The following CNTN1 variants were observed in gnomAD, a reference collection of about 807,000 sequenced individuals.
CNTN1 encodes the protein contactin-1.
CNTN1 carries 38 observed loss-of-function variants against 126.4 expected under a neutral mutation model. The ratio of observed to expected loss-of-function variants is 0.30; its 90% CI spans 0.23 to 0.39. The LOEUF (loss-of-function observed/expected upper bound fraction) is 0.39. CNTN1 is among the 10% of genes least tolerant of loss of function. CNTN1 has a pLI of 1.00. For missense variants in CNTN1, 1,009 were observed against 1,248.4 expected (o/e 0.81, Z 2.89); for synonymous variants, 413 against 422.6 (o/e 0.98, Z 0.28).
At chr12:40,712,766 T>A (rs1325267920) in intron 1 of CNTN1, among the ~76,000 whole-genome samples, 4 of 152,204 alleles carry the variant, frequency 2.6e-5, no homozygotes, top group Non-Finnish European at 4.4e-5. Context: ...ATTTTTCTTT[T>A]AAATTTCAGG....
At chr12:40,971,914 T>C in intron 15 of CNTN1, 1 of 1,042,322 alleles carries the variant, frequency 9.6e-7, no homozygotes, top group Non-Finnish European at 1.2e-6. Context: ...AAGCAGGTAA[T>C]GAACAATGTT....
chr12:40,946,405 A>G (rs528162637), intron 14 of CNTN1, among the ~76,000 whole-genome samples: 1 of 152,240 alleles, frequency 6.6e-6, no homozygotes, highest in South Asian at 2.1e-4. Flanking sequence ...AGTTCTCCCA[A>G]TATTTCAACA....
intron 23 of CNTN1, among the ~76,000 whole-genome samples, chr12:41,059,171 T>G (rs1949888560): frequency 6.6e-6 from 1 of 152,150 alleles, no homozygotes; most frequent in Non-Finnish European, 1.5e-5. Context: ...TAATACCAAA[T>G]ACCAAATCTT....
intron 1 of CNTN1, among the ~76,000 whole-genome samples, chr12:40,698,228 ATTTTTTT>A (rs35570862): frequency 1.4e-5 from 1 of 69,884 alleles, no homozygotes; most frequent in South Asian, 6.8e-4. Context: ...CAGCCACTTA[ATTTTTTT>A]TTTTTTTTTT....
chr12:40,887,603 T>A (rs1944087929), intron 1 of CNTN1, among the ~76,000 whole-genome samples: 1 of 152,050 alleles, frequency 6.6e-6, no homozygotes, highest in African/African-American at 2.4e-5. Flanking sequence ...GAAGTCAGTG[T>A]GGCAATTCCT....
At chr12:40,786,552 G>A (rs73112650) in intron 1 of CNTN1, among the ~76,000 whole-genome samples, 2 of 152,128 alleles carry the variant, frequency 1.3e-5, no homozygotes, top group African/African-American at 4.8e-5. Context: ...TTACAAAGTG[G>A]TTGCTTTGAA....
chr12:40,721,285 A>C (rs1757031851), intron 1 of CNTN1, among the ~76,000 whole-genome samples: 1 of 152,078 alleles, frequency 6.6e-6, no homozygotes, highest in Non-Finnish European at 1.5e-5. Flanking sequence ...TCTCTGCCCC[A>C]AAATGGCAAA....
Position 40,852,889 on chromosome 12 carries a change from GT to G in CNTN1, c.-76-55458del, listed in dbSNP as rs143905169. Reference sequence around the variant, plus strand: ...TTCAAGAAATAATCCTTATTGCATAGTTTTTTTTTTATCCTGAGAGAATTTG... The same window carrying G: ...TTCAAGAAATAATCCTTATTGCATAGTTTTTTTTTATCCTGAGAGAATTTG... On this transcript the variant is annotated intron_variant, in intron 1 of 23. Coordinates refer to ENST00000551295, the MANE Select transcript of CNTN1 (RefSeq NM_001843.4). 1.2e-4 allele frequency among the ~76,000 whole-genome samples: 18 copies of G among 145,582 alleles called. No homozygotes were observed. In the South Asian group the frequency reaches 1.5e-3, roughly 13 times the overall value.
intron 23 of CNTN1, among the ~76,000 whole-genome samples, chr12:41,051,384 C>A (rs575042946): frequency 6.6e-6 from 1 of 151,780 alleles, no homozygotes; most frequent in South Asian, 2.1e-4. Flanking sequence ...ATCTCCTGAC[C>A]TCGTGATCCA....
At chr12:40,720,721 G>A (rs1191439457) in intron 1 of CNTN1, among the ~76,000 whole-genome samples, 1 of 152,050 alleles carries the variant, frequency 6.6e-6, no homozygotes, top group Non-Finnish European at 1.5e-5. Context: ...GAGGTCAGGA[G>A]ATCAAGACCA....
At chr12:40,954,110 C>T (rs1946780652) in intron 14 of CNTN1, among the ~76,000 whole-genome samples, 1 of 152,022 alleles carries the variant, frequency 6.6e-6, no homozygotes, top group East Asian at 1.9e-4. Context: ...TTCAATTAGA[C>T]ACCGAAGCAA....
At chr12:40,900,740 C>T (rs1209134589) in intron 1 of CNTN1, among the ~76,000 whole-genome samples, 5 of 152,200 alleles carry the variant, frequency 3.3e-5, no homozygotes, top group Non-Finnish European at 7.3e-5. Context: ...AGATTCCACT[C>T]AACCTCTTTC....
At chr12:41,047,899 C>G (rs1949581836) in intron 23 of CNTN1, among the ~76,000 whole-genome samples, 1 of 152,056 alleles carries the variant, frequency 6.6e-6, no homozygotes, top group Non-Finnish European at 1.5e-5. Flanking sequence ...ACCTCTGGTA[C>G]TCAGACTCCC....
chr12:40,989,831 A>G (rs1948057223), intron 16 of CNTN1, among the ~76,000 whole-genome samples: 1 of 152,122 alleles, frequency 6.6e-6, no homozygotes. Context: ...GGGAGACAGA[A>G]GAAGTATATT....
At chr12:40,936,943 T>G in intron 10 of CNTN1, 38 bp downstream of exon 10, 1 of 1,610,582 alleles carries the variant, frequency 6.2e-7, no homozygotes, top group Non-Finnish European at 8.5e-7. Flanking sequence ...CCTGAGTCCC[T>G]GTTCAAGCAG....
At chr12:41,014,456 A>G (rs1406857576) in intron 18 of CNTN1, among the ~76,000 whole-genome samples, 158 bp downstream of exon 18, 1 of 152,174 alleles carries the variant, frequency 6.6e-6, no homozygotes, top group African/African-American at 2.4e-5. Context: ...ATCAGATTTT[A>G]TCTGGCTTAC....
At chr12:40,856,665 C>T (rs1029285751) in intron 1 of CNTN1, among the ~76,000 whole-genome samples, 8 of 151,918 alleles carry the variant, frequency 5.3e-5, no homozygotes, top group African/African-American at 1.9e-4. Flanking sequence ...GCAAGATAAA[C>T]TAAAAGTGGA....
At chr12:40,987,023 G>A (rs1388313266) in intron 16 of CNTN1, among the ~76,000 whole-genome samples, 2 of 152,076 alleles carry the variant, frequency 1.3e-5, no homozygotes, top group Non-Finnish European at 2.9e-5. Flanking sequence ...CACAAACTCA[G>A]CTCTCTAATG....
At chr12:41,004,427 T>A (rs1175199551) in intron 17 of CNTN1, among the ~76,000 whole-genome samples, 1 of 152,166 alleles carries the variant, frequency 6.6e-6, no homozygotes, top group Non-Finnish European at 1.5e-5. Context: ...TATTTTGGGG[T>A]GGAGAGTTCT....
Sources: gnomAD v4.1 joint callset for allele counts (sites outside exome capture counted in the v4.1 genomes callset) on GRCh38, gnomAD v4.1.1 for gene constraint, MANE v1.5 for transcripts, NCBI Gene and HGNC (gene_info 2026-07-23, HGNC 2026-07-21) for gene names.